Variants in COL5A2 observed in about 807,000 individuals in gnomAD.
COL5A2 encodes collagen alpha-2(V) chain.
In COL5A2, 23 loss-of-function variants were observed where a neutral mutation model predicts 208.2. The observed-to-expected ratio is 0.11, with a 90% CI of 0.08 to 0.16. The LOEUF (loss-of-function observed/expected upper bound fraction) is 0.16. Among genes scored for constraint, COL5A2 ranks in the 10% least tolerant of loss-of-function variants. The pLI, the probability that COL5A2 is intolerant of heterozygous loss-of-function variation, is 1.00. For missense variants in COL5A2, 1,590 were observed against 1,956.4 expected, an observed-to-expected ratio of 0.81 and a Z score of 3.53; for synonymous variants, 625 against 628.5, an observed-to-expected ratio of 0.99 and a Z score of 0.08.
the COL5A2 span, among the ~76,000 whole-genome samples, chr2:189,341,858 T>A: frequency 6.6e-6 from 1 of 152,192 alleles, no homozygotes; most frequent in African/African-American, 2.4e-5. Context: ...TAAAATAATT[T>A]GAGTGAAATT....
chr2:189,339,050 CA>C, the COL5A2 span, among the ~76,000 whole-genome samples: 1 of 152,144 alleles, frequency 6.6e-6, no homozygotes, highest in South Asian at 2.1e-4. Flanking sequence ...GTGACTTACA[CA>C]GCATTTTAGA....
At chr2:189,053,286 T>A (rs541364821) in intron 38 of COL5A2, 138 bp downstream of exon 38, 1 of 826,512 alleles carries the variant, frequency 1.2e-6, no homozygotes, top group East Asian at 2.7e-5. Flanking sequence ...TATAAAAAAA[T>A]GTATTGAAAA....
chr2:189,212,158 A>G (rs1380804276), intron 1 of COL5A2, among the ~76,000 whole-genome samples: 1 of 152,132 alleles, frequency 6.6e-6, no homozygotes, highest in Non-Finnish European at 1.5e-5. Flanking sequence ...GTTCATCTGT[A>G]TTTTACCTCT....
the COL5A2 span, among the ~76,000 whole-genome samples, chr2:189,413,021 T>A: frequency 6.6e-6 from 1 of 152,178 alleles, no homozygotes; most frequent in African/African-American, 2.4e-5. Flanking sequence ...CAAGAGAGCA[T>A]TTTAGGTAGA....
At chr2:189,197,287 T>A (rs1203067159) in intron 1 of COL5A2, among the ~76,000 whole-genome samples, 1 of 141,494 alleles carries the variant, frequency 7.1e-6, no homozygotes, top group African/African-American at 2.6e-5. Context: ...AGCCAGGGGG[T>A]TGGGGTGCGA....
At chr2:189,132,165 C>T (rs75755733) in intron 1 of COL5A2, among the ~76,000 whole-genome samples, 1 of 152,154 alleles carries the variant, frequency 6.6e-6, no homozygotes, top group Non-Finnish European at 1.5e-5. Flanking sequence ...CCAGAATAGC[C>T]ACGTTTTGCA....
At chr2:189,253,134 G>A in the COL5A2 span, among the ~76,000 whole-genome samples, 1 of 152,188 alleles carries the variant, frequency 6.6e-6, no homozygotes, top group African/African-American at 2.4e-5. Context: ...ATGAGAGATG[G>A]TGACAGCTAA....
At chr2:189,039,222 AAAC>A (rs746707337) in intron 51 of COL5A2, 47 bp downstream of exon 51, 5 of 1,606,252 alleles carry the variant, frequency 3.1e-6, no homozygotes, top group African/African-American at 1.3e-5. Flanking sequence ...AGTTGAGAAT[AAAC>A]AATCAGAAAC....
At chr2:189,395,922 A>AAAAAAAAAAAAAAAAAAAAAAAAAT in the COL5A2 span, among the ~76,000 whole-genome samples, 1 of 150,104 alleles carries the variant, frequency 6.7e-6, no homozygotes. Context: ...AAAAAAAAAA[A>AAAAAAAAAAAAAAAAAAAAAAAAAT]AAAAAAGAAG....
chr2:189,178,856 A>AGG (rs1688731113), intron 1 of COL5A2, among the ~76,000 whole-genome samples: 1 of 152,152 alleles, frequency 6.6e-6, no homozygotes, highest in South Asian at 2.1e-4. Context: ...TCAAGCCAGT[A>AGG]GGGTGGGAAA....
chr2:189,074,758 T>C (rs150244180), intron 17 of COL5A2, among the ~76,000 whole-genome samples: 62 of 152,338 alleles, frequency 4.1e-4, no homozygotes, highest in African/African-American at 1.4e-3. Flanking sequence ...TCTTAGCTCA[T>C]TGACATGCAG....
In COL5A2 at chr2:189,053,916, A is replaced by C. The variant is rs537159667; in HGVS notation, c.2478T>G (p.Pro826=). ...GEPGPRGLVG[P]PGSRGNPGSR... Reference sequence around the variant, plus strand: ...TTACAGGATTGCCCCGGGAGCCAGGAGGGCCAACTAAACCTCGAGGACCAG... The same window carrying C: ...TTACAGGATTGCCCCGGGAGCCAGGCGGGCCAACTAAACCTCGAGGACCAG... Residue 826 remains proline, a synonymous_variant, in exon 37 of 54, where the codon CCT becomes CCG. Coordinates refer to ENST00000374866, the MANE Select transcript of COL5A2 (RefSeq NM_000393.5). 8 of 1,614,044 alleles carry C rather than the reference A, an allele frequency of 5.0e-6. No individual in the cohort carries two copies. The South Asian group carries it at 8.8e-5, about 18-fold the overall frequency.
At chr2:189,267,003 A>T in the COL5A2 span, among the ~76,000 whole-genome samples, 6 of 151,754 alleles carry the variant, frequency 4.0e-5, no homozygotes, top group East Asian at 9.7e-4. Flanking sequence ...TAATATTAAT[A>T]AAATGATAAA....
At chr2:189,266,563 T>C in the COL5A2 span, among the ~76,000 whole-genome samples, 10 of 151,858 alleles carry the variant, frequency 6.6e-5, no homozygotes, top group Non-Finnish European at 1.3e-4. Flanking sequence ...GTGTCCAAAA[T>C]AGGCAAATAT....
In COL5A2 at chr2:189,039,672, A is replaced by G. The variant is rs183518730; in HGVS notation, c.3634-109T>C. ...AATGAGACACTCCAATTTGACAGTA[A>G]AGGGAGATCTATGACTCGCGCCCTT... is the stretch of plus-strand genomic sequence containing the variant. On this transcript the variant is annotated intron_variant, in intron 50 of 53. Coordinates refer to ENST00000374866, the MANE Select transcript of COL5A2 (RefSeq NM_000393.5). The G allele has an allele frequency of 2.6e-5, 28 of 1,096,304 alleles. No homozygotes were observed. The East Asian group carries it at 7.2e-4, about 28-fold the overall frequency. The allele number at this position is 1,096,304 out of a possible 1,614,324, so 67.9% of individuals were successfully genotyped here.
intron 16 of COL5A2, among the ~76,000 whole-genome samples, chr2:189,077,885 A>G (rs1423116058): frequency 6.6e-6 from 1 of 152,252 alleles, no homozygotes; most frequent in Non-Finnish European, 1.5e-5. Context: ...AAAGCAAGGT[A>G]GGTCCAAAGT....
At chr2:189,148,058 T>C (rs1688074144) in intron 1 of COL5A2, among the ~76,000 whole-genome samples, 1 of 152,110 alleles carries the variant, frequency 6.6e-6, no homozygotes, top group Non-Finnish European at 1.5e-5. Context: ...AGAGGACAAA[T>C]GAACTTCTTT....
chr2:189,356,527 G>A, the COL5A2 span, among the ~76,000 whole-genome samples: 20 of 151,766 alleles, frequency 1.3e-4, no homozygotes, highest in Non-Finnish European at 2.1e-4. Context: ...TGATCGATTC[G>A]GCTATCGATA....
chr2:189,034,306 A>G, intron 53 of COL5A2, 90 bp from the exon 54 acceptor site: 3 of 1,382,518 alleles, frequency 2.2e-6, no homozygotes, highest in Non-Finnish European at 3.1e-6. Context: ...TTTATAATGT[A>G]AAGGCAATGA....
Sources: gnomAD v4.1 joint callset for allele counts (sites outside exome capture counted in the v4.1 genomes callset) on GRCh38, gnomAD v4.1.1 for gene constraint, MANE v1.5 for transcripts, NCBI Gene and HGNC (gene_info 2026-07-23, HGNC 2026-07-21) for gene names.